The following CALN1 variants were observed in gnomAD, a reference collection of about 807,000 sequenced individuals.
CALN1 encodes the protein calneuron 1.
CALN1 carries 17 observed loss-of-function variants against 30.6 expected under a neutral mutation model. The observed-to-expected ratio is 0.56, with a 90% CI of 0.38 to 0.83. The LOEUF is 0.83. Ranked by LOEUF, CALN1 falls within the 40% of genes least tolerant of loss-of-function variation. The pLI is 0.00. For missense variants in CALN1, 291 were observed against 354.9 expected (o/e 0.82, Z 1.45); for synonymous variants, 156 against 131.4 (o/e 1.19, Z -1.28).
At position 72,397,024 on chromosome 7, in the gene CALN1, C is replaced by G. The variant is rs549125381; in HGVS notation, c.119+6227G>C. ...ATCCTGGGCTCAAGCAATCCTCCCC[C>G]CTCAGCCTCCAAAGTGGCTAGGACT... On this transcript the variant is annotated intron_variant, in intron 2 of 6. Coordinates refer to ENST00000395275, the MANE Select transcript of CALN1 (RefSeq NM_031468.4). Among the ~76,000 whole-genome samples the G allele has an allele frequency of 1.3e-3, 198 of 152,182 alleles. 3 individuals carry two copies. Among genetic ancestry groups the G allele is most frequent in the African/African-American group, 4.4e-3 (181 of 41,520 alleles).
At position 72,293,973 on chromosome 7, in the gene CALN1, C is replaced by G. The variant is rs566994818; in HGVS notation, c.120-15163G>C. Among the ~76,000 whole-genome samples the G allele has an allele frequency of 1.5e-3, 227 of 152,202 alleles. 1 individual carries two copies. The highest frequency in any genetic ancestry group is 4.8e-3 in the African/African-American group (201 of 41,530). ...ATTAGCCAGGCATCATGGTGCACACCTGTAATCCCAGCTACTCGGGAGGCT... is the reference window on the plus strand; with the variant it reads ...ATTAGCCAGGCATCATGGTGCACACGTGTAATCCCAGCTACTCGGGAGGCT... On this transcript the variant is annotated intron_variant, in intron 2 of 6. Coordinates refer to ENST00000395275, the MANE Select transcript of CALN1 (RefSeq NM_031468.4).
intron 3 of CALN1, among the ~76,000 whole-genome samples, chr7:72,209,353 CTTCCCTCT>C (rs1792195522): frequency 7.4e-4 from 50 of 67,420 alleles, no homozygotes; most frequent in Non-Finnish European, 1.0e-3. Context: ...TCCTTCCCTC[CTTCCCTCT>C]TTCCTTCCCT....
At chr7:72,041,946 T>C (rs1041001689) in intron 4 of CALN1, among the ~76,000 whole-genome samples, 3 of 152,186 alleles carry the variant, frequency 2.0e-5, no homozygotes, top group Admixed American at 1.3e-4. Flanking sequence ...TGTGGAACTA[T>C]GAGTCCATTA....
the CALN1 span, among the ~76,000 whole-genome samples, chr7:72,486,920 C>A: frequency 6.6e-6 from 1 of 152,264 alleles, no homozygotes; most frequent in Non-Finnish European, 1.5e-5. Flanking sequence ...GCAACTGGGG[C>A]AACATTTATT....
chr7:72,194,190 T>C (rs1022508269), intron 3 of CALN1, among the ~76,000 whole-genome samples: 1 of 152,240 alleles, frequency 6.6e-6, no homozygotes. Flanking sequence ...TTCCGCAGTG[T>C]ACAATGGCAT....
intron 3 of CALN1, among the ~76,000 whole-genome samples, chr7:72,257,178 G>T (rs891563168): frequency 6.6e-6 from 1 of 152,110 alleles, no homozygotes; most frequent in Non-Finnish European, 1.5e-5. Flanking sequence ...ATCAAATCTC[G>T]TGAGAACTCA....
chr7:71,802,191 T>C (rs931417100), intron 6 of CALN1, among the ~76,000 whole-genome samples: 1 of 152,130 alleles, frequency 6.6e-6, no homozygotes, highest in Non-Finnish European at 1.5e-5. Context: ...ATGGGAGCAC[T>C]TAATAAGAAT....
chr7:72,281,458 C>A (rs1227311377), intron 2 of CALN1, among the ~76,000 whole-genome samples: 1 of 152,226 alleles, frequency 6.6e-6, no homozygotes, highest in African/African-American at 2.4e-5. Context: ...CAGTCCCACA[C>A]ACAGTGAGCC....
intron 2 of CALN1, among the ~76,000 whole-genome samples, chr7:72,304,717 T>C (rs1799530887): frequency 6.6e-6 from 1 of 152,194 alleles, no homozygotes; most frequent in African/African-American, 2.4e-5. Context: ...TAATCACAAC[T>C]ATATAAATAT....
chr7:72,028,058 C>CAAAAA (rs34092922), intron 4 of CALN1, among the ~76,000 whole-genome samples: 3 of 82,754 alleles, frequency 3.6e-5, no homozygotes, highest in African/African-American at 3.4e-5. Flanking sequence ...GACTCCGTCT[C>CAAAAA]AAAAAAAAAA....
At chr7:72,274,464 C>T (rs920933884) in intron 3 of CALN1, among the ~76,000 whole-genome samples, 23 of 149,362 alleles carry the variant, frequency 1.5e-4, no homozygotes, top group African/African-American at 5.2e-4. Context: ...GCAAAGATCG[C>T]GCCACTGCAC....
At chr7:71,795,452 T>G (rs569875341) in intron 6 of CALN1, among the ~76,000 whole-genome samples, 155 of 152,288 alleles carry the variant, frequency 1.0e-3, no homozygotes, top group African/African-American at 3.5e-3. Flanking sequence ...CTTTCAATAT[T>G]TATTTATTTT....
chr7:71,799,449 A>AG (rs1202702475), intron 6 of CALN1, among the ~76,000 whole-genome samples: 100 of 111,704 alleles, frequency 9.0e-4, no homozygotes, highest in African/African-American at 2.1e-3. Flanking sequence ...TTATTTATTT[A>AG]TTTAGTTAGT....
chr7:71,916,415 G>A (rs1794690695), intron 5 of CALN1, among the ~76,000 whole-genome samples: 1 of 151,714 alleles, frequency 6.6e-6, no homozygotes, highest in Admixed American at 6.6e-5. Flanking sequence ...AGTGGGCAGA[G>A]GAGAAGAAAG....
intron 3 of CALN1, among the ~76,000 whole-genome samples, chr7:72,125,877 C>G (rs1355702481): frequency 2.7e-5 from 4 of 149,458 alleles, no homozygotes; most frequent in Non-Finnish European, 5.9e-5. Context: ...TCTCAGCTCA[C>G]TGCAAACCAC....
At chr7:72,387,601 A>G (rs1401448106) in intron 2 of CALN1, among the ~76,000 whole-genome samples, 1 of 152,126 alleles carries the variant, frequency 6.6e-6, no homozygotes, top group African/African-American at 2.4e-5. Context: ...TTCCTCCCCT[A>G]CACCCATCAC....
chr7:71,804,606 G>A (rs1315705473), intron 6 of CALN1, among the ~76,000 whole-genome samples: 1 of 152,148 alleles, frequency 6.6e-6, no homozygotes, highest in Non-Finnish European at 1.5e-5. Context: ...ATCACTTGAT[G>A]TCAGGAGTTC....
intron 5 of CALN1, among the ~76,000 whole-genome samples, chr7:71,938,507 G>A (rs966600548): frequency 6.6e-6 from 1 of 151,988 alleles, no homozygotes; most frequent in African/African-American, 2.4e-5. Flanking sequence ...TTATAAAAAC[G>A]TACACAGGGC....
At chr7:72,258,622 C>A (rs1248198502) in intron 3 of CALN1, among the ~76,000 whole-genome samples, 1 of 152,114 alleles carries the variant, frequency 6.6e-6, no homozygotes, top group Non-Finnish European at 1.5e-5. Context: ...TTAAACACAG[C>A]CAAAAGATAT....
Sources: allele counts gnomAD v4.1 joint callset (sites outside exome capture counted in the v4.1 genomes callset), GRCh38; gene constraint gnomAD v4.1.1; transcripts MANE v1.5; gene names NCBI Gene and HGNC (gene_info 2026-07-23, HGNC 2026-07-21).